CALB2: variants seen among roughly 807,000 people sequenced by gnomAD.
CALB2 encodes the protein calbindin 2.
CALB2 carries 34 observed loss-of-function variants against 45.9 expected under a neutral mutation model. The observed-to-expected ratio is 0.74, with a 90% CI of 0.56 to 0.99. The LOEUF (loss-of-function observed/expected upper bound fraction) is 0.99, where lower values mean the gene tolerates loss of function less well. Ranked by LOEUF, CALB2 falls within the 50% of genes least tolerant of loss-of-function variation. CALB2 has a pLI of 0.00. For missense variants in CALB2, 344 were observed against 339.3 expected (o/e 1.01, Z -0.11); for synonymous variants, 142 against 129.6 (o/e 1.10, Z -0.65).
intron 4 of CALB2, among the ~76,000 whole-genome samples, chr16:71,378,016 G>T (rs1049700583): frequency 1.3e-5 from 2 of 152,074 alleles, no homozygotes; most frequent in East Asian, 3.9e-4. Context: ...TGAGGTCAGG[G>T]GTTCGAGACC....
chr16:71,374,710 A>G, intron 2 of CALB2, 35 bp from the exon 3 acceptor site: 5 of 1,412,178 alleles, frequency 3.5e-6, no homozygotes, highest in Non-Finnish European at 5.0e-6. Flanking sequence ...CATGAGATAC[A>G]GCAGCAAAAA....
Position 71,384,338 on chromosome 16 carries a change from G to A in CALB2, c.534-1G>A, listed in dbSNP as rs1168903999. 1 of 1,613,022 alleles carries A rather than the reference G, an allele frequency of 6.2e-7. No homozygotes were observed. Among genetic ancestry groups the A allele is most frequent in the South Asian group, 1.1e-5 (1 of 91,054 alleles). On this transcript the variant is annotated splice_acceptor_variant, in intron 7 of 10. Coordinates refer to ENST00000302628, the MANE Select transcript of CALB2 (RefSeq NM_001740.5). LOFTEE classifies it high-confidence loss of function. ...TCTCTGCTCTAACATTTTCTCCCCAGACTCCTGCCTGTCCAGGAAAACTTC... is the reference window on the plus strand; with the variant it reads ...TCTCTGCTCTAACATTTTCTCCCCAAACTCCTGCCTGTCCAGGAAAACTTC...
intron 4 of CALB2, among the ~76,000 whole-genome samples, chr16:71,380,734 G>C (rs1270353495): frequency 6.6e-6 from 1 of 152,148 alleles, no homozygotes; most frequent in East Asian, 1.9e-4. Context: ...CCCTCCTGGG[G>C]TCTGTTCCAT....
intron 10 of CALB2, 58 bp downstream of exon 10, chr16:71,385,706 C>T: frequency 7.0e-7 from 1 of 1,435,780 alleles, no homozygotes; most frequent in Admixed American, 1.7e-5. Flanking sequence ...GAGGCTTCTG[C>T]AGGAGAGGAG....
rs142377810 is a variant in CALB2, at chr16:71,359,787, G to A, written c.94+901G>A. On this transcript the variant is annotated intron_variant, in intron 1 of 10. Coordinates refer to ENST00000302628, the MANE Select transcript of CALB2 (RefSeq NM_001740.5). ...CTAGAGACTCTGTTTCTGTTACTCC[G>A]AAAAAATAAGTGATCTGATTTCCCT... Among the ~76,000 whole-genome samples the A allele has an allele frequency of 5.3e-5, 8 of 152,282 alleles. No homozygotes were observed. The East Asian group carries it at 7.7e-4, about 15-fold the overall frequency.
At chr16:71,370,835 C>T (rs1377117401) in intron 1 of CALB2, among the ~76,000 whole-genome samples, 1 of 152,238 alleles carries the variant, frequency 6.6e-6, no homozygotes, top group African/African-American at 2.4e-5. Flanking sequence ...CCTTCCCCAT[C>T]ACAGCACTGA....
At chr16:71,388,279 A>G (rs979671305) in intron 10 of CALB2, among the ~76,000 whole-genome samples, 3 of 148,602 alleles carry the variant, frequency 2.0e-5, no homozygotes, top group Admixed American at 6.9e-5. Context: ...GGGTGCAGTG[A>G]GCTGTGATCA....
chr16:71,387,719 T>C (rs1430398406), intron 10 of CALB2, among the ~76,000 whole-genome samples: 1 of 152,196 alleles, frequency 6.6e-6, no homozygotes, highest in African/African-American at 2.4e-5. Context: ...CACAGTTCAC[T>C]GCGGAAGTTG....
At chr16:71,372,355 G>T in intron 2 of CALB2, 126 bp downstream of exon 2, 2 of 637,178 alleles carry the variant, frequency 3.1e-6, no homozygotes, top group Non-Finnish European at 2.7e-6. Flanking sequence ...CATTTTATTT[G>T]TAAGGATAAA....
At chr16:71,358,942 G>A in intron 1 of CALB2, 56 bp downstream of exon 1, 2 of 1,464,186 alleles carry the variant, frequency 1.4e-6, no homozygotes, top group Non-Finnish European at 1.9e-6. Flanking sequence ...CTGCGGTGAA[G>A]GGGGCAGGGG....
chr16:71,389,695 T>C, intron 10 of CALB2, 54 bp from the exon 11 acceptor site: 2 of 1,298,502 alleles, frequency 1.5e-6, no homozygotes, highest in Non-Finnish European at 2.2e-6. Context: ...CGTGGGCTCC[T>C]TGCGTCGGGA....
In CALB2 at chr16:71,372,190, T is replaced by G; in HGVS notation, c.132T>G (p.Phe44Leu). 6.2e-7 allele frequency: 1 copy of G among 1,613,222 alleles called. No individual in the cohort carries two copies. ...GYIEGKELENFFQELEKARKG... is the reference protein window; with the variant it reads ...GYIEGKELENLFQELEKARKG... ...TTGAAGGTAAAGAGCTAGAAAACTTTTTCCAAGAGCTGGAGAAGGCAAGGA... is the reference window on the plus strand; with the variant it reads ...TTGAAGGTAAAGAGCTAGAAAACTTGTTCCAAGAGCTGGAGAAGGCAAGGA... Residue 44 changes from phenylalanine (F) to leucine (L), a missense_variant, in exon 2 of 11, where the codon TTT (phenylalanine) becomes TTG (leucine). Physicochemically the swap from Phe to Leu is conservative, Grantham distance 22 (BLOSUM62 0). Coordinates refer to ENST00000302628, the MANE Select transcript of CALB2 (RefSeq NM_001740.5).
chr16:71,367,315 T>C (rs1430468193), intron 1 of CALB2, among the ~76,000 whole-genome samples: 1 of 152,200 alleles, frequency 6.6e-6, no homozygotes, highest in Non-Finnish European at 1.5e-5. Context: ...TCTTTATCGA[T>C]GCCCATCCGC....
intron 10 of CALB2, among the ~76,000 whole-genome samples, chr16:71,386,672 A>G (rs941281583): frequency 6.6e-6 from 1 of 152,168 alleles, no homozygotes; most frequent in Non-Finnish European, 1.5e-5. Context: ...TCTCTGAGCA[A>G]CTGGTTTTGC....
chr16:71,376,715 ACAACCACATACATCCACATT>A (rs1324807828), intron 3 of CALB2, among the ~76,000 whole-genome samples: 3 of 143,506 alleles, frequency 2.1e-5, no homozygotes, highest in Admixed American at 7.0e-5. Context: ...GCACCCACAT[ACAACCACATACATCCACATT>A]CAACCACACA....
At chr16:71,388,489 C>T (rs528847922) in intron 10 of CALB2, among the ~76,000 whole-genome samples, 34 of 152,078 alleles carry the variant, frequency 2.2e-4, no homozygotes, top group South Asian at 6.2e-4. Flanking sequence ...TATTTGTATC[C>T]GAAGCAATCA....
chr16:71,370,233 G>A (rs373737634), intron 1 of CALB2, among the ~76,000 whole-genome samples: 1 of 152,152 alleles, frequency 6.6e-6, no homozygotes, highest in African/African-American at 2.4e-5. Context: ...TTCTCAGGGG[G>A]CCCTAGGAGG....
chr16:71,389,206 A>AAAATAAAAT (rs1487529785), intron 10 of CALB2, among the ~76,000 whole-genome samples: 7 of 152,122 alleles, frequency 4.6e-5, no homozygotes, highest in Non-Finnish European at 4.4e-5. Flanking sequence ...AAAAATAAAA[A>AAAATAAAAT]AAATTCCTTG....
chr16:71,380,341 G>A (rs1162400133), intron 4 of CALB2, among the ~76,000 whole-genome samples: 2 of 100,412 alleles, frequency 2.0e-5, no homozygotes, highest in Middle Eastern at 0.012. Flanking sequence ...ACGGAGTTTC[G>A]CTCGTTGCCC....
Sources: allele counts gnomAD v4.1 joint callset (sites outside exome capture counted in the v4.1 genomes callset), GRCh38; gene constraint gnomAD v4.1.1; transcripts MANE v1.5; gene names NCBI Gene and HGNC (gene_info 2026-07-23, HGNC 2026-07-21).